AIM2: variants seen among roughly 807,000 people sequenced by gnomAD.
AIM2 encodes the protein interferon-inducible protein AIM2.
In AIM2, 30 loss-of-function variants were observed where a neutral mutation model predicts 27.7. That is an observed-to-expected ratio of 1.08 (90% CI 0.81 to 1.47). AIM2 has a LOEUF of 1.47. Ranked by LOEUF, AIM2 falls within the 40% of genes most tolerant of loss-of-function variation. The pLI, the probability that AIM2 is intolerant of heterozygous loss-of-function variation, is 0.00. For missense variants in AIM2, 358 were observed against 411.3 expected (o/e 0.87, Z 1.12); for synonymous variants, 141 against 145.3 (o/e 0.97, Z 0.21).
intron 1 of AIM2, among the ~76,000 whole-genome samples, chr1:159,105,310 A>G (rs1278306901): frequency 2.0e-5 from 3 of 152,246 alleles, no homozygotes; most frequent in Non-Finnish European, 4.4e-5. Context: ...TGCAGATGCC[A>G]GAAACCACAG....
At chr1:159,145,902 T>G (rs1557919109) in intron 1 of AIM2, among the ~76,000 whole-genome samples, 1 of 152,048 alleles carries the variant, frequency 6.6e-6, no homozygotes, top group Non-Finnish European at 1.5e-5. Context: ...GGTCAAGAGA[T>G]CAAGGCCATC....
At chr1:159,099,357 G>C (rs1276050443) in intron 1 of AIM2, among the ~76,000 whole-genome samples, 1 of 152,154 alleles carries the variant, frequency 6.6e-6, no homozygotes, top group African/African-American at 2.4e-5. Context: ...AAGTTCCAGG[G>C]AGCGGCCATA....
intron 1 of AIM2, among the ~76,000 whole-genome samples, chr1:159,120,490 C>A (rs1403621156): frequency 6.6e-6 from 1 of 152,144 alleles, no homozygotes; most frequent in Non-Finnish European, 1.5e-5. Flanking sequence ...GTCTTTTGCT[C>A]CTAAACTGTC....
intron 1 of AIM2, among the ~76,000 whole-genome samples, chr1:159,115,061 C>A (rs1557909885): frequency 6.6e-6 from 1 of 151,970 alleles, no homozygotes; most frequent in Non-Finnish European, 1.5e-5. Context: ...AGAGCCAAAC[C>A]ATGAGTGAAC....
chr1:159,099,168 C>T (rs1173932593), intron 1 of AIM2, among the ~76,000 whole-genome samples: 2 of 152,050 alleles, frequency 1.3e-5, no homozygotes, highest in Non-Finnish European at 2.9e-5. Flanking sequence ...ACAGAAAAGG[C>T]AGTGAAGACA....
chr1:159,121,315 T>A (rs777118849), intron 1 of AIM2, among the ~76,000 whole-genome samples: 1 of 152,206 alleles, frequency 6.6e-6, no homozygotes. Flanking sequence ...GAAGCCATCA[T>A]CTTACTCAAT....
chr1:159,067,483 G>A (rs756657089), intron 3 of AIM2, among the ~76,000 whole-genome samples: 16 of 152,160 alleles, frequency 1.1e-4, no homozygotes, highest in Non-Finnish European at 2.9e-5. Flanking sequence ...TTGGGGCAGT[G>A]GAGCTTGGGC....
intron 1 of AIM2, among the ~76,000 whole-genome samples, chr1:159,085,122 G>A (rs1570955403): frequency 6.6e-6 from 1 of 152,098 alleles, no homozygotes; most frequent in Non-Finnish European, 1.5e-5. Flanking sequence ...GAAGCCAGCC[G>A]CATCAGCAAG....
In AIM2 at chr1:159,070,892, G is replaced by A. The variant is rs114435702; in HGVS notation, c.263-2191C>T. On this transcript the variant is annotated intron_variant, in intron 2 of 5. Transcript: ENST00000368130. ...GAGAGAAAACAGCATCAAGGGAGGC[G>A]GAAGGAATCAACCTACCATTCTACC... Among the ~76,000 whole-genome samples the A allele has an allele frequency of 2.0e-3, 303 of 152,234 alleles. 1 individual carries two copies. Among genetic ancestry groups the A allele is most frequent in the Non-Finnish European group, 3.6e-3 (242 of 68,014 alleles).
At chr1:159,086,823 T>G (rs1656924591) in intron 1 of AIM2, among the ~76,000 whole-genome samples, 1 of 152,224 alleles carries the variant, frequency 6.6e-6, no homozygotes. Flanking sequence ...TTTACATGTT[T>G]AAAACACTAA....
At chr1:159,125,592 G>T in intron 1 of AIM2, among the ~76,000 whole-genome samples, 1 of 152,182 alleles carries the variant, frequency 6.6e-6, no homozygotes, top group East Asian at 1.9e-4. Context: ...ATGTGGCTTT[G>T]ACTGTCAAAT....
chr1:159,061,305 C>T (rs1655825235), downstream of AIM2, among the ~76,000 whole-genome samples: 1 of 152,090 alleles, frequency 6.6e-6, no homozygotes, highest in South Asian at 2.1e-4. Flanking sequence ...ATTTGACATC[C>T]ATGTATCATC....
In AIM2 at chr1:159,130,836, ACACACACG is replaced by A. The variant is rs1283575055; in HGVS notation, c.-16+9587_-16+9594del. 3.6e-3 allele frequency among the ~76,000 whole-genome samples: 519 copies of A among 145,060 alleles called. 3 individuals are homozygous for A. Among genetic ancestry groups the A allele is most frequent in the South Asian group, 0.022 (100 of 4,596 alleles). On this transcript the variant is annotated intron_variant, in intron 1 of 2. Transcript: ENST00000368129. ...CACACACACACACACACACACACAC[ACACACACG>A]CACGCACTCTTCAAATCTGTCATTG...
At chr1:159,145,682 G>C (rs1648188190) in intron 1 of AIM2, among the ~76,000 whole-genome samples, 1 of 152,186 alleles carries the variant, frequency 6.6e-6, no homozygotes, top group Admixed American at 6.5e-5. Flanking sequence ...GGCTAGTCAA[G>C]GTCACAAGAA....
chr1:159,136,090 C>CTT lies in AIM2; in HGVS notation c.-16+4339_-16+4340dup, dbSNP rs149276180. ...CGTAGCCCTAGAGAAAAATCTAGGCCTTTTACAGTGATCACTATGGGCAGA... is the reference window on the plus strand; with the variant it reads ...CGTAGCCCTAGAGAAAAATCTAGGCCTTTTTTACAGTGATCACTATGGGCAGA... On this transcript the variant is annotated intron_variant, in intron 1 of 2. Transcript: ENST00000368129. 3.1e-3 allele frequency among the ~76,000 whole-genome samples: 476 copies of CTT among 152,198 alleles called. 2 individuals carry two copies. The highest frequency in any genetic ancestry group is 0.02 in the Middle Eastern group (6 of 294).
At chr1:159,140,469 C>T (rs546052090) in exon 1 of AIM2, 1 of 152,440 alleles carries the variant, frequency 6.6e-6, no homozygotes, top group East Asian at 1.9e-4. Flanking sequence ...TGTGGACTTT[C>T]CCGCCTCCCC....
At chr1:159,067,634 A>T (rs555448043) in intron 3 of AIM2, among the ~76,000 whole-genome samples, 43 of 152,294 alleles carry the variant, frequency 2.8e-4, no homozygotes, top group African/African-American at 1.0e-3. Flanking sequence ...TGAAAAATGC[A>T]TATTTTCATT....
intron 1 of AIM2, among the ~76,000 whole-genome samples, chr1:159,111,974 G>A (rs1194108908): frequency 6.6e-6 from 1 of 151,938 alleles, no homozygotes; most frequent in East Asian, 1.9e-4. Context: ...CCTAGGAGGT[G>A]GAGGTTGCAG....
chr1:159,066,098 C>T lies in AIM2; in HGVS notation c.628G>A (p.Ala210Thr). 2 of 1,614,152 alleles carry T rather than the reference C, an allele frequency of 1.2e-6. No individual in the cohort carries two copies. The highest frequency in any genetic ancestry group is 1.7e-6 in the Non-Finnish European group (2 of 1,179,998). The part of the protein sequence containing the change: ...KFIPKRIIII[A>T]RYYRHSGFLE... ...AAACCACTGTGCCGATAATATCTTG[C>T]TATTATAATTATTCTCTTTGGAATG... The change falls in exon 4 of 6, where the codon GCA becomes ACA. Residue 210 changes from alanine to threonine, a missense_variant. Ala to Thr is a moderately conservative substitution (Grantham distance 58). Transcript: ENST00000368130.
Sources: gnomAD v4.1 joint callset for allele counts (sites outside exome capture counted in the v4.1 genomes callset) on GRCh38, gnomAD v4.1.1 for gene constraint, MANE v1.5 for transcripts, NCBI Gene and HGNC (gene_info 2026-07-23, HGNC 2026-07-21) for gene names.